The following ABCD3 variants were observed in gnomAD, a reference collection of about 807,000 sequenced individuals.
ABCD3 encodes ATP-binding cassette sub-family D member 3.
Under a neutral mutation model 105.5 loss-of-function variants are expected in ABCD3, and 41 were observed. That is an observed-to-expected ratio of 0.39 (90% CI 0.30 to 0.50). ABCD3 has a LOEUF of 0.50. ABCD3 is among the 20% of genes least tolerant of loss of function. ABCD3 has a pLI of 0.84. For missense variants in ABCD3, 622 were observed against 806.3 expected, an observed-to-expected ratio of 0.77 and a Z score of 2.77; for synonymous variants, 258 against 269.0, an observed-to-expected ratio of 0.96 and a Z score of 0.40.
At chr1:94,419,335 G>A (rs1659161771) in intron 1 of ABCD3, 1 of 985,256 alleles carries the variant, frequency 1.0e-6, no homozygotes, top group Non-Finnish European at 1.2e-6. Flanking sequence ...TGAGGATCAA[G>A]CTCCTTTTTA....
the ABCD3 span, among the ~76,000 whole-genome samples, chr1:94,390,137 A>G: frequency 6.6e-6 from 1 of 152,210 alleles, no homozygotes; most frequent in African/African-American, 2.4e-5. Flanking sequence ...GTTCTCTTCT[A>G]GAAGACACCA....
intron 1 of ABCD3, among the ~76,000 whole-genome samples, chr1:94,445,364 T>C (rs1252288480): frequency 2.0e-5 from 3 of 152,014 alleles, no homozygotes; most frequent in Non-Finnish European, 2.9e-5. Context: ...TTGGAGAACA[T>C]GGAACTAAGC....
intron 21 of ABCD3, among the ~76,000 whole-genome samples, chr1:94,508,349 A>T (rs893794781): frequency 6.6e-6 from 1 of 152,024 alleles, no homozygotes; most frequent in African/African-American, 2.4e-5. Context: ...CCATTGATCT[A>T]TATCTCTGTT....
the ABCD3 span, among the ~76,000 whole-genome samples, chr1:94,390,562 C>G: frequency 6.6e-6 from 1 of 152,164 alleles, no homozygotes; most frequent in African/African-American, 2.4e-5. Context: ...CCCGGCATCC[C>G]AAAGTGCTGG....
At chr1:94,408,509 G>A in the ABCD3 span, among the ~76,000 whole-genome samples, 1 of 151,818 alleles carries the variant, frequency 6.6e-6, no homozygotes, top group Non-Finnish European at 1.5e-5. Flanking sequence ...CAGGAGAATT[G>A]CTTCAACTCA....
At chr1:94,454,180 A>G (rs576540007) in intron 1 of ABCD3, among the ~76,000 whole-genome samples, 1 of 152,214 alleles carries the variant, frequency 6.6e-6, no homozygotes, top group Non-Finnish European at 1.5e-5. Flanking sequence ...AAGTGAGAAT[A>G]TTATAATAGT....
chr1:94,418,439 C>CGCT lies in ABCD3; in HGVS notation c.-38_-37insTGC, dbSNP rs1659108823. ...GTAAGGTAGCCGCCGCCGCCGCCGC[C>CGCT]GCCGCGTCCCCTCGCCGGCTCGCTG... is the stretch of plus-strand genomic sequence containing the variant. On this transcript the variant is annotated 5_prime_UTR_variant, in exon 1 of 23. Coordinates refer to ENST00000370214, the MANE Select transcript of ABCD3 (RefSeq NM_002858.4). The CGCT allele has an allele frequency of 1.9e-6, 3 of 1,546,730 alleles. No homozygotes were observed. Among genetic ancestry groups the CGCT allele is most frequent in the East Asian group, 4.8e-5 (2 of 41,990 alleles).
At chr1:94,455,808 G>GGT (rs1222482500) in intron 1 of ABCD3, 30 of 1,281,754 alleles carry the variant, frequency 2.3e-5, no homozygotes, top group Admixed American at 6.9e-5. Flanking sequence ...CTCATTGGTA[G>GGT]GTGTGTGTGT....
rs571234362 is a variant in ABCD3 at position 94,517,447 on chromosome 1, G to A, written c.*318G>A. The A allele has an allele frequency of 1.0e-5, 3 of 297,244 alleles. No individual in the cohort carries two copies. The highest frequency in any genetic ancestry group is 6.6e-5 in the South Asian group (2 of 30,492). 18.4% of individuals were successfully genotyped at this position (297,244 alleles called of 1,614,324 possible). A position where few individuals can be genotyped will look rare whatever the true frequency, so the allele number is the denominator to read the frequency against. On this transcript the variant is annotated 3_prime_UTR_variant, in exon 23 of 23. Coordinates refer to ENST00000370214, the MANE Select transcript of ABCD3 (RefSeq NM_002858.4). Reference sequence around the variant, plus strand: ...ATTCATCCTGGGATGTAAACCATTCGAAGTCAGCTAATTGGACTTTTATGG... The same window carrying A: ...ATTCATCCTGGGATGTAAACCATTCAAAGTCAGCTAATTGGACTTTTATGG...
chr1:94,412,119 T>G, the ABCD3 span, among the ~76,000 whole-genome samples: 1 of 152,140 alleles, frequency 6.6e-6, no homozygotes, highest in Non-Finnish European at 1.5e-5. Flanking sequence ...TGCCAAACTG[T>G]TCATTTTAAA....
the ABCD3 span, among the ~76,000 whole-genome samples, chr1:94,397,481 G>A: frequency 2.0e-5 from 3 of 152,128 alleles, no homozygotes; most frequent in Non-Finnish European, 4.4e-5. Flanking sequence ...AATATCCCTC[G>A]ATTTGAGTCT....
chr1:94,434,115 A>G (rs558941011), intron 1 of ABCD3, among the ~76,000 whole-genome samples: 3 of 152,144 alleles, frequency 2.0e-5, no homozygotes, highest in Non-Finnish European at 4.4e-5. Context: ...GGCCTAGCAT[A>G]TTATTGCACA....
the ABCD3 span, among the ~76,000 whole-genome samples, chr1:94,409,578 C>A: frequency 1.3e-5 from 2 of 152,112 alleles, no homozygotes; most frequent in African/African-American, 4.8e-5. Flanking sequence ...ACCGTTATAT[C>A]GGTGAAACTT....
chr1:94,412,600 C>T, the ABCD3 span, among the ~76,000 whole-genome samples: 1 of 152,142 alleles, frequency 6.6e-6, no homozygotes, highest in Non-Finnish European at 1.5e-5. Context: ...TGATATTTTA[C>T]TTATGTGAGA....
upstream of ABCD3, among the ~76,000 whole-genome samples, chr1:94,416,139 G>C (rs138931273): frequency 3.6e-3 from 555 of 152,224 alleles, 1 homozygote; most frequent in African/African-American, 0.013. Context: ...AATCTTGCTT[G>C]TACTTCCTTC....
chr1:94,499,103 T>C, intron 19 of ABCD3, 69 bp downstream of exon 19: 2 of 1,356,144 alleles, frequency 1.5e-6, no homozygotes, highest in South Asian at 1.2e-5. Flanking sequence ...CAATTAAGTA[T>C]TTTAAATGCC....
rs1649513101 is a variant in ABCD3, at chr1:94,491,071, T to C, written c.1323-113T>C. Reference sequence around the variant, plus strand: ...CATCTGAATTTCTTCTTTTAAGAAGTGTTTAAGCTCTTTGCCCATTTTTTA... The same window carrying C: ...CATCTGAATTTCTTCTTTTAAGAAGCGTTTAAGCTCTTTGCCCATTTTTTA... On this transcript the variant is annotated intron_variant, in intron 15 of 22. Coordinates refer to ENST00000370214, the MANE Select transcript of ABCD3 (RefSeq NM_002858.4). 22 of 723,042 alleles carry C rather than the reference T, an allele frequency of 3.0e-5. No homozygotes were observed. In the South Asian group the frequency reaches 3.6e-4, roughly 12 times the overall value. The allele number at this position is 723,042 out of a possible 1,614,324, so 44.8% of individuals were successfully genotyped here.
chr1:94,482,815 T>G (rs1649092313), intron 9 of ABCD3: 1 of 236,898 alleles, frequency 4.2e-6, no homozygotes, highest in South Asian at 6.4e-5. Flanking sequence ...GCCTGTACTT[T>G]AACTTGAAGT....
the ABCD3 span, among the ~76,000 whole-genome samples, chr1:94,404,923 A>G: frequency 6.7e-6 from 1 of 149,888 alleles, no homozygotes; most frequent in Non-Finnish European, 1.5e-5. Flanking sequence ...TGGGTGACAG[A>G]GCGAGACCCA....
Sources: gnomAD v4.1 joint callset for allele counts (sites outside exome capture counted in the v4.1 genomes callset) on GRCh38, gnomAD v4.1.1 for gene constraint, MANE v1.5 for transcripts, NCBI Gene and HGNC (gene_info 2026-07-23, HGNC 2026-07-21) for gene names.